ITPR2: variants seen among roughly 807,000 people sequenced by gnomAD.
ITPR2 encodes inositol 1,4,5-trisphosphate receptor type 2.
In ITPR2, 207 loss-of-function variants were observed where a neutral mutation model predicts 317.1. That is an observed-to-expected ratio of 0.65 (90% CI 0.58 to 0.73). The LOEUF (loss-of-function observed/expected upper bound fraction) is 0.73. ITPR2 is among the 30% of genes least tolerant of loss of function. The probability of loss-of-function intolerance (pLI) is 0.00; values close to 1 mark genes in which losing one functional copy is unlikely to be tolerated. For synonymous variants in ITPR2, 1,156 were observed against 1,149.1 expected (o/e 1.01, Z -0.12); for missense variants, 2,613 against 3,284.0 (o/e 0.80, Z 4.99).
At chr12:26,530,458 G>T (rs148764021) in intron 37 of ITPR2, among the ~76,000 whole-genome samples, 2 of 152,122 alleles carry the variant, frequency 1.3e-5, no homozygotes, top group East Asian at 3.8e-4. Context: ...CATATTTCCC[G>T]TGAATCCTGG....
intron 37 of ITPR2, among the ~76,000 whole-genome samples, chr12:26,545,432 A>G (rs1944373035): frequency 6.6e-6 from 1 of 152,134 alleles, no homozygotes; most frequent in African/African-American, 2.4e-5. Context: ...ACCGGCTTTA[A>G]AGATAGGGGA....
chr12:26,341,664 A>G (rs1235815326), intron 55 of ITPR2, among the ~76,000 whole-genome samples: 2 of 152,270 alleles, frequency 1.3e-5, no homozygotes, highest in Non-Finnish European at 2.9e-5. Flanking sequence ...GTGAACAGTA[A>G]CTTACTCTAA....
chr12:26,583,141 T>C (rs1447917993), intron 32 of ITPR2, among the ~76,000 whole-genome samples: 3 of 152,286 alleles, frequency 2.0e-5, no homozygotes, highest in East Asian at 3.9e-4. Context: ...AAATGTGCCA[T>C]GTGTTTCCTA....
chr12:26,682,750 T>C (rs965129622), intron 11 of ITPR2, 77 bp from the exon 12 acceptor site: 1 of 818,396 alleles, frequency 1.2e-6, no homozygotes, highest in Non-Finnish European at 2.0e-6. Flanking sequence ...AACAGTTTCA[T>C]ATATTATATG....
At chr12:26,593,647 A>G (rs1945761148) in intron 32 of ITPR2, among the ~76,000 whole-genome samples, 1 of 152,242 alleles carries the variant, frequency 6.6e-6, no homozygotes, top group African/African-American at 2.4e-5. Context: ...AAATAGATCA[A>G]GAAGATATTG....
chr12:26,667,440 G>C (rs1180548186), intron 13 of ITPR2, among the ~76,000 whole-genome samples: 1 of 152,146 alleles, frequency 6.6e-6, no homozygotes, highest in African/African-American at 2.4e-5. Flanking sequence ...TTGTAACCCA[G>C]TCTGTTTCTT....
chr12:26,645,879 T>G (rs922971797), intron 21 of ITPR2, among the ~76,000 whole-genome samples: 2 of 152,112 alleles, frequency 1.3e-5, no homozygotes, highest in African/African-American at 4.8e-5. Context: ...CCTTTTCTAT[T>G]CTTTCTGATC....
At chr12:26,469,713 G>A (rs115730370) in intron 45 of ITPR2, among the ~76,000 whole-genome samples, 111 of 151,978 alleles carry the variant, frequency 7.3e-4, no homozygotes, top group African/African-American at 2.7e-3. Context: ...CACAGCGCTT[G>A]GCATCTAGTA....
intron 11 of ITPR2, among the ~76,000 whole-genome samples, chr12:26,684,077 A>C (rs1948083758): frequency 6.6e-6 from 1 of 152,246 alleles, no homozygotes; most frequent in African/African-American, 2.4e-5. Flanking sequence ...CTGAGCTTCA[A>C]ATATCTAAAA....
intron 45 of ITPR2, among the ~76,000 whole-genome samples, chr12:26,443,931 T>G (rs1027388629): frequency 1.3e-5 from 2 of 152,180 alleles, no homozygotes; most frequent in African/African-American, 2.4e-5. Context: ...ACACTGTCTA[T>G]AGTAAATTTA....
At chr12:26,364,987 G>A (rs771214475) in intron 55 of ITPR2, among the ~76,000 whole-genome samples, 13 of 152,170 alleles carry the variant, frequency 8.5e-5, no homozygotes, top group South Asian at 2.1e-4. Flanking sequence ...ATATCACTGC[G>A]TTCTATTTTA....
chr12:26,686,017 G>A (rs1181810154), intron 11 of ITPR2, among the ~76,000 whole-genome samples: 2 of 152,170 alleles, frequency 1.3e-5, no homozygotes, highest in East Asian at 3.8e-4. Flanking sequence ...ATTTGAATGT[G>A]AGAATATAAC....
chr12:26,360,817 C>A (rs1267728948), intron 55 of ITPR2, among the ~76,000 whole-genome samples: 3 of 152,098 alleles, frequency 2.0e-5, no homozygotes, highest in Non-Finnish European at 4.4e-5. Context: ...TTGATGACAT[C>A]TTTGCATGGT....
intron 55 of ITPR2, among the ~76,000 whole-genome samples, chr12:26,359,496 G>C (rs1396076969): frequency 6.6e-6 from 1 of 152,122 alleles, no homozygotes; most frequent in African/African-American, 2.4e-5. Flanking sequence ...TAGTATTAAA[G>C]TTTCTTCTTC....
intron 55 of ITPR2, among the ~76,000 whole-genome samples, chr12:26,379,772 T>G (rs1939449664): frequency 6.6e-6 from 1 of 152,188 alleles, no homozygotes; most frequent in East Asian, 1.9e-4. Context: ...TTATACATAT[T>G]TTATCAATGG....
chr12:26,377,114 G>A (rs1939370471), intron 55 of ITPR2, among the ~76,000 whole-genome samples: 1 of 151,968 alleles, frequency 6.6e-6, no homozygotes, highest in African/African-American at 2.4e-5. Flanking sequence ...CCTCCCAAAT[G>A]TCCTCACTGT....
chr12:26,485,248 AT>A (rs1319500329), intron 41 of ITPR2, among the ~76,000 whole-genome samples: 10 of 152,200 alleles, frequency 6.6e-5, no homozygotes, highest in Admixed American at 4.6e-4. Context: ...CTATTAATTT[AT>A]TATTTAACGT....
chr12:26,750,596 C>T (rs1236665140), intron 2 of ITPR2, among the ~76,000 whole-genome samples: 1 of 152,194 alleles, frequency 6.6e-6, no homozygotes, highest in Non-Finnish European at 1.5e-5. Context: ...CATAGTTGTA[C>T]TGGGACAACA....
chr12:26,811,855 A>G (rs1200478564), intron 1 of ITPR2, among the ~76,000 whole-genome samples: 2 of 85,634 alleles, frequency 2.3e-5, no homozygotes, highest in Non-Finnish European at 6.7e-5. Context: ...CTCCGTCTGA[A>G]AAAAAAAAAA....
Sources: gnomAD v4.1 joint callset for allele counts (sites outside exome capture counted in the v4.1 genomes callset) on GRCh38, gnomAD v4.1.1 for gene constraint, MANE v1.5 for transcripts, NCBI Gene and HGNC (gene_info 2026-07-23, HGNC 2026-07-21) for gene names.